ZNF141: variants seen among roughly 807,000 people sequenced by gnomAD.
The protein encoded by ZNF141 is zinc finger protein 141.
In ZNF141, 7 loss-of-function variants were observed where a neutral mutation model predicts 11.3. The observed-to-expected ratio is 0.62, with a 90% CI of 0.35 to 1.16. The LOEUF (loss-of-function observed/expected upper bound fraction) is 1.16. Among genes scored for constraint, ZNF141 ranks in the 50% most tolerant of loss-of-function variants. The probability of loss-of-function intolerance (pLI) is 0.02; values close to 1 mark genes in which losing one functional copy is unlikely to be tolerated. For missense variants in ZNF141, 535 were observed against 554.0 expected, an observed-to-expected ratio of 0.97 and a Z score of 0.34; for synonymous variants, 183 against 190.7, an observed-to-expected ratio of 0.96 and a Z score of 0.33.
chr4:372,168 A>T (rs1712100642), intron 3 of ZNF141, among the ~76,000 whole-genome samples: 1 of 152,176 alleles, frequency 6.6e-6, no homozygotes, highest in Admixed American at 6.5e-5. Context: ...AAACATTTAC[A>T]TTTGCTTTCA....
At chr4:342,203 C>G (rs1474831527) in intron 1 of ZNF141, among the ~76,000 whole-genome samples, 1 of 152,158 alleles carries the variant, frequency 6.6e-6, no homozygotes, top group Non-Finnish European at 1.5e-5. Context: ...TATGAGCTTC[C>G]CATCACAGTG....
intron 3 of ZNF141, among the ~76,000 whole-genome samples, chr4:349,591 A>G (rs1553850120): frequency 6.6e-6 from 1 of 152,108 alleles, no homozygotes; most frequent in Non-Finnish European, 1.5e-5. Flanking sequence ...GACAAATTTC[A>G]CAGTTTGTAT....
chr4:384,600 C>T lies in ZNF141; in HGVS notation c.*10738C>T, dbSNP rs1248477243. ...GACATAAATATTTTGGTTTTAGCTT[C>T]ACTCTTTCCACCTGCTGTCGGTTTT... On this transcript the variant is annotated 3_prime_UTR_variant, in exon 4 of 4. Coordinates refer to ENST00000240499, the MANE Select transcript of ZNF141 (RefSeq NM_003441.4). 4 of 152,254 alleles carry T rather than the reference C, an allele frequency of 2.6e-5. No homozygotes were observed. The allele number at this position is 152,254 out of a possible 1,614,324, so 9.4% of individuals were successfully genotyped here.
At position 383,884 on chromosome 4, in the gene ZNF141, A is replaced by G. The variant is rs1404286063; in HGVS notation, c.*10022A>G. ...AAGGAGTACTTAAAACCCAGAAAAC[A>G]TTGTAACCGGGTCCTTGGGCGGCTT... On this transcript the variant is annotated 3_prime_UTR_variant, in exon 4 of 4. Coordinates refer to ENST00000240499, the MANE Select transcript of ZNF141 (RefSeq NM_003441.4). 2 of 152,268 alleles carry G rather than the reference A, an allele frequency of 1.3e-5. No homozygotes were observed. Among genetic ancestry groups the G allele is most frequent in the Non-Finnish European group, 2.9e-5 (2 of 68,068 alleles). 9.4% of individuals were successfully genotyped at this position (152,268 alleles called of 1,614,324 possible).
intron 3 of ZNF141, among the ~76,000 whole-genome samples, chr4:370,391 T>G (rs1711995832): frequency 6.6e-6 from 1 of 151,808 alleles, no homozygotes; most frequent in Non-Finnish European, 1.5e-5. Context: ...AGTTCAGCAT[T>G]TTTTTTTATA....
At chr4:344,071 A>G (rs1560180714) in intron 2 of ZNF141, among the ~76,000 whole-genome samples, 163 bp downstream of exon 2, 1 of 152,236 alleles carries the variant, frequency 6.6e-6, no homozygotes, top group Non-Finnish European at 1.5e-5. Flanking sequence ...AATTCTAGAA[A>G]TTCAATGACA....
intron 3 of ZNF141, among the ~76,000 whole-genome samples, chr4:345,386 T>C (rs1370105628): frequency 6.6e-6 from 1 of 152,196 alleles, no homozygotes; most frequent in African/African-American, 2.4e-5. Flanking sequence ...ATTTTGAAAT[T>C]ATAATATAGT....
intron 3 of ZNF141, among the ~76,000 whole-genome samples, chr4:372,419 C>T (rs1712112743): frequency 6.6e-6 from 1 of 152,156 alleles, no homozygotes; most frequent in Non-Finnish European, 1.5e-5. Flanking sequence ...CCTTCCTGTT[C>T]TATGTGGCTC....
rs1160708107 is a variant in ZNF141, at chr4:373,764, A to G, written c.1327A>G (p.Lys443Glu). 1.2e-6 allele frequency: 2 copies of G among 1,614,062 alleles called. No individual in the cohort carries two copies. The highest frequency in any genetic ancestry group is 1.7e-6 in the Non-Finnish European group (2 of 1,180,016). Residue 443 changes from lysine (K) to glutamate (E), a missense_variant, in exon 4 of 4, where the codon AAA becomes GAA. Transcript: ENST00000240499. ...ATTTTCGCTCCTGAGTCAACATAAG[A>G]AAATTCATACTGTAGATAAACCCTA... ...KQFSLLSQHKKIHTVDKPYKC... is the reference protein window; with the variant it reads ...KQFSLLSQHKEIHTVDKPYKC...
In ZNF141 at chr4:382,834, G is replaced by C. The variant is rs1417073075; in HGVS notation, c.*8972G>C. On this transcript the variant is annotated 3_prime_UTR_variant, in exon 4 of 4. Coordinates refer to ENST00000240499, the MANE Select transcript of ZNF141 (RefSeq NM_003441.4). ...AGGCCAACGTTGATCCTGAGTCCCA[G>C]CCAGCTGCTTAGTAGCTGTGGGATA... 1 of 277,646 alleles carries C rather than the reference G, an allele frequency of 3.6e-6. No homozygotes were observed. The highest frequency in any genetic ancestry group is 2.2e-5 in the African/African-American group (1 of 44,762). 17.2% of individuals were successfully genotyped at this position (277,646 alleles called of 1,614,324 possible).
Position 375,890 on chromosome 4 carries a change from A to C in ZNF141, c.*2028A>C, listed in dbSNP as rs1420893882. ...GGACAGAAATGAAAGATCCATGATG[A>C]AAATCTAGCAGAGAGGCTTTTTTGT... On this transcript the variant is annotated 3_prime_UTR_variant, in exon 4 of 4. Transcript: ENST00000240499. Among the ~76,000 whole-genome samples the C allele has an allele frequency of 1.3e-5, 2 of 152,058 alleles. No homozygotes were observed. Among genetic ancestry groups the C allele is most frequent in the African/African-American group, 4.8e-5 (2 of 41,442 alleles).
rs1553855619 is a variant in ZNF141 at position 381,451 on chromosome 4, C to T, written c.*7589C>T. Among the ~76,000 whole-genome samples, 5 of 139,834 alleles carry T rather than the reference C, an allele frequency of 3.6e-5. No individual in the cohort carries two copies. Among genetic ancestry groups the T allele is most frequent in the Non-Finnish European group, 7.5e-5 (5 of 66,460 alleles). 91.7% of individuals were successfully genotyped at this position (139,834 alleles called of 152,430 possible). On this transcript the variant is annotated 3_prime_UTR_variant, in exon 4 of 4. Coordinates refer to ENST00000240499, the MANE Select transcript of ZNF141 (RefSeq NM_003441.4). ...TGAGACGTTGTCTTGCTCTGTCGCC[C>T]AGGCTGGAGTGCAGTGGTGCAATCT...
intron 3 of ZNF141, among the ~76,000 whole-genome samples, chr4:347,790 T>C (rs146951447): frequency 1.5e-4 from 23 of 152,244 alleles, no homozygotes; most frequent in African/African-American, 5.5e-4. Flanking sequence ...GGTTATTCAT[T>C]ATTATTGTTT....
chr4:382,590 G>A lies in ZNF141; in HGVS notation c.*8728G>A, dbSNP rs57193931. The A allele has an allele frequency of 0.43, 65,941 of 152,174 alleles. 14,906 individuals carry two copies. Among genetic ancestry groups the A allele is most frequent in the African/African-American group, 0.57 (23,573 of 41,484 alleles). 9.4% of individuals were successfully genotyped at this position (152,174 alleles called of 1,614,324 possible). Reference sequence around the variant, plus strand: ...GTTGGGCATTAATTTCCTAAACCCAGTGCTCAGCAATTTTCTCAAATTGTT... The same window carrying A: ...GTTGGGCATTAATTTCCTAAACCCAATGCTCAGCAATTTTCTCAAATTGTT... On this transcript the variant is annotated 3_prime_UTR_variant, in exon 4 of 4. Coordinates refer to ENST00000240499, the MANE Select transcript of ZNF141 (RefSeq NM_003441.4).
rs1420020854 is a variant in ZNF141 at position 377,097 on chromosome 4, GT to G, written c.*3239del. ...TTTAGTTAGAACATTTCATTTTGTTGTTTTAATTTAAGAACCCTATATAAGC... is the reference window on the plus strand; with the variant it reads ...TTTAGTTAGAACATTTCATTTTGTTGTTTAATTTAAGAACCCTATATAAGC... On this transcript the variant is annotated 3_prime_UTR_variant, in exon 4 of 4. Coordinates refer to ENST00000240499, the MANE Select transcript of ZNF141 (RefSeq NM_003441.4). Among the ~76,000 whole-genome samples the G allele has an allele frequency of 1.3e-5, 2 of 152,172 alleles. No homozygotes were observed. Among genetic ancestry groups the G allele is most frequent in the East Asian group, 3.9e-4 (2 of 5,186 alleles).
chr4:384,674 T>C lies in ZNF141; in HGVS notation c.*10812T>C, dbSNP rs187459861. ...CCAAGATGGAGTCACTGTGGTCAAC[T>C]CCAGGCATGCACAGATACAACACCC... On this transcript the variant is annotated 3_prime_UTR_variant, in exon 4 of 4. Transcript: ENST00000240499. The C allele has an allele frequency of 1.3e-5, 2 of 152,260 alleles. No homozygotes were observed. The highest frequency in any genetic ancestry group is 3.9e-4 in the East Asian group (2 of 5,172). The allele number at this position is 152,260 out of a possible 1,614,324, so 9.4% of individuals were successfully genotyped here.
At position 376,317 on chromosome 4, in the gene ZNF141, C is replaced by T. The variant is rs1013951237; in HGVS notation, c.*2455C>T. On this transcript the variant is annotated 3_prime_UTR_variant, in exon 4 of 4. Coordinates refer to ENST00000240499, the MANE Select transcript of ZNF141 (RefSeq NM_003441.4). ...TTGTATTTTCACTCTTGTTATTTTC[C>T]GAAATTTTTGTGGGTACATAGTATG... Among the ~76,000 whole-genome samples, 6 of 151,706 alleles carry T rather than the reference C, an allele frequency of 4.0e-5. No individual in the cohort carries two copies. Among genetic ancestry groups the T allele is most frequent in the Admixed American group, 2.6e-4 (4 of 15,212 alleles).
intron 3 of ZNF141, among the ~76,000 whole-genome samples, chr4:363,662 G>A (rs1711588070): frequency 6.6e-6 from 1 of 151,922 alleles, no homozygotes. Flanking sequence ...GGAGGCTGAG[G>A]CAGGAGAATG....
At position 373,739 on chromosome 4, in the gene ZNF141, A is replaced by G. The variant is rs782716599; in HGVS notation, c.1302A>G (p.Gln434=). The G allele has an allele frequency of 2.0e-5, 32 of 1,613,966 alleles. 1 individual carries two copies. The highest frequency in any genetic ancestry group is 1.8e-4 in the South Asian group (16 of 91,082). Residue 434 remains glutamine (Q), a synonymous_variant, in exon 4 of 4, where the codon CAA becomes CAG. Coordinates refer to ENST00000240499, the MANE Select transcript of ZNF141 (RefSeq NM_003441.4). ...KCKECDKAFK[Q]FSLLSQHKKI... is the part of the protein sequence containing the mutation. ...AAGAATGTGACAAAGCCTTTAAACA[A>G]TTTTCGCTCCTGAGTCAACATAAGA... is the stretch of plus-strand genomic sequence containing the variant.
Sources: gnomAD v4.1 joint callset for allele counts (sites outside exome capture counted in the v4.1 genomes callset) on GRCh38, gnomAD v4.1.1 for gene constraint, MANE v1.5 for transcripts, NCBI Gene and HGNC (gene_info 2026-07-23, HGNC 2026-07-21) for gene names.